The following AP1S2 variants were observed in gnomAD, a reference collection of about 807,000 sequenced individuals.
AP1S2 encodes the protein AP-1 complex subunit sigma-2.
A neutral mutation model predicts 14.3 loss-of-function variants in AP1S2; 1 was observed. That is an observed-to-expected ratio of 0.07 (90% CI 0.02 to 0.33). AP1S2 has a LOEUF of 0.33. Ranked by LOEUF, AP1S2 falls within the 10% of genes least tolerant of loss-of-function variation. AP1S2 has a pLI of 0.99. For missense variants in AP1S2, 30 were observed against 117.7 expected, an observed-to-expected ratio of 0.25 and a Z score of 3.45; for synonymous variants, 30 against 40.5, an observed-to-expected ratio of 0.74 and a Z score of 0.99.
intron 4 of AP1S2, chrX:15,831,075 T>G: frequency 1.4e-6 from 1 of 737,741 alleles, no homozygotes; most frequent in Non-Finnish European, 1.6e-6. Flanking sequence ...ACAAAATAGT[T>G]TCTTTTTTTA....
intron 4 of AP1S2, among the ~76,000 whole-genome samples, chrX:15,838,038 C>G (rs893248564): frequency 8.9e-6 from 1 of 111,941 alleles, no homozygotes. Flanking sequence ...ATATAGCAGT[C>G]TATAAATGTA....
intron 4 of AP1S2, chrX:15,830,483 A>G: frequency 1.3e-6 from 1 of 748,636 alleles, no homozygotes; most frequent in South Asian, 6.8e-5. Flanking sequence ...TGATAAATCG[A>G]TTTGAACATC....
In AP1S2 at chrX:15,826,518, TG is replaced by T. The variant is rs1224911784; in HGVS notation, c.*806del. 4.5e-5 allele frequency: 5 copies of T among 111,870 alleles called. No individual in the cohort carries two copies. Among genetic ancestry groups the T allele is most frequent in the African/African-American group, 1.6e-4 (5 of 30,771 alleles). 9.2% of individuals were successfully genotyped at this position (111,870 alleles called of 1,213,427 possible). ...ACTGTGAAGAGAGCAACACGTTTTT[TG>T]TAAGATACTGTTATGAAGAATTCCT... is the stretch of plus-strand genomic sequence containing the variant. On this transcript the variant is annotated 3_prime_UTR_variant, in exon 6 of 6. Transcript: ENST00000672987.
chrX:15,827,396 CTG>C (rs1390438622), intron 5 of AP1S2, 24 bp from the exon 6 acceptor site: 1 of 1,169,333 alleles, frequency 8.6e-7, no homozygotes, highest in Non-Finnish European at 1.2e-6. Context: ...ATGTGAGACT[CTG>C]GTAAGCAGAT....
Position 15,852,422 on chromosome X carries a change from C to T in AP1S2, c.103G>A (p.Val35Ile). The change falls in exon 2 of 6, where the codon GTT becomes ATT. Residue 35 changes from valine (V) to isoleucine (I), a missense_variant. Physicochemically the swap from Val to Ile is conservative, Grantham distance 29 (BLOSUM62 3). This residue lies in a region of AP1S2 where 13 missense variants were observed against 52.9 expected (regional missense o/e 0.25). Transcript: ENST00000672987. ...GGTTTCCGTGCTAAAACGGTCTGAA[C>T]AAGTTCTCTTGTGATCTTTTTCTTC... ...KEKKKITREL[V>I]QTVLARKPKM... is the part of the protein sequence containing the mutation. The T allele has an allele frequency of 8.3e-7, 1 of 1,211,027 alleles. No homozygotes were observed.
chrX:15,848,436 T>C (rs1934064577), intron 2 of AP1S2, among the ~76,000 whole-genome samples: 1 of 111,650 alleles, frequency 9.0e-6, no homozygotes, highest in Non-Finnish European at 1.9e-5. Flanking sequence ...AGTTTTACAT[T>C]AAAAACTATA....
At position 15,826,886 on chromosome X, in the gene AP1S2, C is replaced by CTT. The variant is rs35656473; in HGVS notation, c.*437_*438dup. On this transcript the variant is annotated 3_prime_UTR_variant, in exon 6 of 6. Transcript: ENST00000672987. ...ATTTGATATGTGACATGTCAATTCCCTTTTTTTTTTTTTTTACATATGCTG... is the reference window on the plus strand; with the variant it reads ...ATTTGATATGTGACATGTCAATTCCCTTTTTTTTTTTTTTTTTACATATGCTG... The CTT allele has an allele frequency of 1.8e-4, 18 of 97,813 alleles. No homozygotes were observed. Among genetic ancestry groups the CTT allele is most frequent in the South Asian group, 4.6e-4 (1 of 2,174 alleles). 8.1% of individuals were successfully genotyped at this position (97,813 alleles called of 1,213,427 possible).
chrX:15,845,001 C>T (rs768445296), intron 4 of AP1S2: 8 of 748,561 alleles, frequency 1.1e-5, no homozygotes, highest in African/African-American at 4.6e-5. Flanking sequence ...TGATTATCTA[C>T]ACTAATGAAA....
intron 4 of AP1S2, chrX:15,829,983 T>C (rs1199879474): frequency 2.5e-5 from 13 of 513,519 alleles, no homozygotes; most frequent in Non-Finnish European, 3.1e-5. Flanking sequence ...TTTAAAAAAT[T>C]TGCCTAGAAA....
chrX:15,851,682 T>A (rs897012601), intron 2 of AP1S2, among the ~76,000 whole-genome samples: 6 of 112,223 alleles, frequency 5.3e-5, no homozygotes, highest in African/African-American at 1.9e-4. Context: ...TAAAAAAATT[T>A]TAGTGTTAAA....
Position 15,848,093 on chromosome X carries a change from C to T in AP1S2, c.180-2082G>A, listed in dbSNP as rs914995146. Among the ~76,000 whole-genome samples the T allele has an allele frequency of 4.5e-5, 5 of 111,162 alleles. No homozygotes were observed. The Admixed American group carries it at 4.8e-4, about 11-fold the overall frequency. Reference sequence around the variant, plus strand: ...ATCATCAGAAACAATGTGTCTAAGCCCCAGCCAGTAATGTTTACTTTCACT... The same window carrying T: ...ATCATCAGAAACAATGTGTCTAAGCTCCAGCCAGTAATGTTTACTTTCACT... On this transcript the variant is annotated intron_variant, in intron 2 of 5. Transcript: ENST00000672987.
chrX:15,834,439 A>AATATATATATATATATATATATAT (rs1161066866), intron 4 of AP1S2, among the ~76,000 whole-genome samples: 2 of 25,122 alleles, frequency 8.0e-5, no homozygotes, highest in African/African-American at 1.4e-4. Context: ...TCCCTTCCAA[A>AATATATATATATATATATATATAT]ATATATATAT....
chrX:15,828,305 A>T, intron 4 of AP1S2, 105 bp from the exon 5 acceptor site: 1 of 570,162 alleles, frequency 1.8e-6, no homozygotes, highest in Non-Finnish European at 2.5e-6. Flanking sequence ...AATCTTAAGT[A>T]AATTACTTAA....
intron 4 of AP1S2, among the ~76,000 whole-genome samples, chrX:15,842,884 G>C (rs955975474): frequency 9.0e-6 from 1 of 110,594 alleles, no homozygotes. Context: ...AAATTAGCTG[G>C]GCATGGTGGT....
chrX:15,838,757 T>C (rs778791472), intron 4 of AP1S2, among the ~76,000 whole-genome samples: 1 of 111,050 alleles, frequency 9.0e-6, no homozygotes, highest in East Asian at 2.8e-4. Flanking sequence ...TATTTATTTA[T>C]TTATTTTTGA....
chrX:15,827,219 A>G lies in AP1S2; in HGVS notation c.*106T>C. On this transcript the variant is annotated 3_prime_UTR_variant, in exon 6 of 6. Transcript: ENST00000672987. ...AATGAAGCGGCTTAGCAAAACAGTAATACTGACAAGACATCATCTTACACC... is the reference window on the plus strand; with the variant it reads ...AATGAAGCGGCTTAGCAAAACAGTAGTACTGACAAGACATCATCTTACACC... The G allele has an allele frequency of 2.4e-6, 2 of 824,588 alleles. No individual in the cohort carries two copies. Among genetic ancestry groups the G allele is most frequent in the East Asian group, 3.1e-5 (1 of 31,937 alleles). The allele number at this position is 824,588 out of a possible 1,213,427, so 68.0% of individuals were successfully genotyped here.
chrX:15,847,953 G>C (rs770357989), intron 2 of AP1S2, among the ~76,000 whole-genome samples: 2 of 111,443 alleles, frequency 1.8e-5, no homozygotes, highest in Non-Finnish European at 3.8e-5. Flanking sequence ...GCTAATGCTC[G>C]TACCATCCTC....
chrX:15,839,612 C>T (rs1305819602), intron 4 of AP1S2, among the ~76,000 whole-genome samples: 1 of 108,357 alleles, frequency 9.2e-6, no homozygotes, highest in Non-Finnish European at 1.9e-5. Flanking sequence ...TCCCAATTAG[C>T]TTGGACTACA....
In AP1S2 at chrX:15,828,138, A is replaced by G. The variant is rs188098086; in HGVS notation, c.435+54T>C. 1.0e-3 allele frequency: 990 copies of G among 969,233 alleles called. 3 individuals are homozygous for G. Among genetic ancestry groups the G allele is most frequent in the Non-Finnish European group, 1.2e-3 (901 of 722,952 alleles). The allele number at this position is 969,233 out of a possible 1,213,427, so 79.9% of individuals were successfully genotyped here. On this transcript the variant is annotated intron_variant, in intron 5 of 5. Transcript: ENST00000672987. The stretch of plus-strand genomic sequence containing the variant: ...AATTTTGTAATTAAAAGGCAACACT[A>G]TATTTTAATGATGGAAAATAATATA...
Sources: allele counts gnomAD v4.1 joint callset (sites outside exome capture counted in the v4.1 genomes callset), GRCh38; gene constraint gnomAD v4.1.1; regional missense constraint gnomAD v4.1.1; transcripts MANE v1.5; gene names NCBI Gene and HGNC (gene_info 2026-07-23, HGNC 2026-07-21).